The following NPEPPS variants were observed in gnomAD, a reference collection of about 807,000 sequenced individuals.
NPEPPS encodes the protein aminopeptidase puromycin sensitive.
In NPEPPS, 14 loss-of-function variants were observed where a neutral mutation model predicts 115.5. The observed-to-expected ratio is 0.12, with a 90% CI of 0.08 to 0.19. NPEPPS has a LOEUF of 0.19. Ranked by LOEUF, NPEPPS falls within the 10% of genes least tolerant of loss-of-function variation. The probability of loss-of-function intolerance (pLI) is 1.00; values close to 1 mark genes in which losing one functional copy is unlikely to be tolerated. For missense variants in NPEPPS, 523 were observed against 1,110.8 expected, an observed-to-expected ratio of 0.47 and a Z score of 7.52; for synonymous variants, 285 against 390.6, an observed-to-expected ratio of 0.73 and a Z score of 3.19.
At chr17:47,567,525 C>T (rs117278327) in intron 2 of NPEPPS, among the ~76,000 whole-genome samples, 7,127 of 152,240 alleles carry the variant, frequency 0.047, 225 homozygotes, top group Middle Eastern at 0.16. Flanking sequence ...CCTTTCTCCC[C>T]GCCTCAATAA....
At chr17:47,612,757 G>A (rs181390390) in intron 18 of NPEPPS, among the ~76,000 whole-genome samples, 155 bp downstream of exon 18, 87 of 149,540 alleles carry the variant, frequency 5.8e-4, no homozygotes, top group Non-Finnish European at 1.1e-3. Context: ...TCTGTCCCCC[G>A]AGTTCCAGTG....
chr17:47,595,094 C>T (rs146682446), intron 12 of NPEPPS, among the ~76,000 whole-genome samples: 1,837 of 152,054 alleles, frequency 0.012, 41 homozygotes, highest in African/African-American at 0.043. Context: ...CCATGCCCAG[C>T]TAATTTTTGT....
intron 1 of NPEPPS, among the ~76,000 whole-genome samples, chr17:47,534,301 G>A (rs527298135): frequency 1.3e-5 from 2 of 152,020 alleles, no homozygotes; most frequent in Non-Finnish European, 2.9e-5. Flanking sequence ...CTGTGGTCTC[G>A]ACCTCCTGAC....
chr17:47,556,018 T>C (rs1006148836), intron 2 of NPEPPS, among the ~76,000 whole-genome samples: 7 of 144,952 alleles, frequency 4.8e-5, no homozygotes, highest in African/African-American at 1.8e-4. Context: ...TAGAGTCTTG[T>C]GCTGGCGTGA....
chr17:47,534,810 C>T (rs1908076285), intron 1 of NPEPPS, among the ~76,000 whole-genome samples: 1 of 151,552 alleles, frequency 6.6e-6, no homozygotes, highest in Non-Finnish European at 1.5e-5. Flanking sequence ...CTCAGGTGAT[C>T]CCCTTCCCTT....
intron 2 of NPEPPS, among the ~76,000 whole-genome samples, chr17:47,568,101 C>T (rs1253111521): frequency 1.3e-5 from 2 of 152,108 alleles, no homozygotes; most frequent in African/African-American, 4.8e-5. Flanking sequence ...AGTGGCTGCA[C>T]CATTTACATT....
At chr17:47,599,020 T>C (rs1320604403) in intron 13 of NPEPPS, among the ~76,000 whole-genome samples, 4 of 152,198 alleles carry the variant, frequency 2.6e-5, no homozygotes, top group African/African-American at 9.6e-5. Context: ...AATATATTAA[T>C]GAAATTAAAG....
intron 1 of NPEPPS, among the ~76,000 whole-genome samples, chr17:47,537,225 T>C: frequency 6.6e-6 from 1 of 152,012 alleles, no homozygotes; most frequent in East Asian, 1.9e-4. Flanking sequence ...ATTCAAAATA[T>C]TGGTGATAAG....
intron 1 of NPEPPS, among the ~76,000 whole-genome samples, chr17:47,539,551 G>A (rs1025189562): frequency 6.6e-6 from 1 of 151,960 alleles, no homozygotes; most frequent in African/African-American, 2.4e-5. Flanking sequence ...AAATGTCACA[G>A]ATATCACTAA....
At chr17:47,533,151 A>C (rs992983218) in intron 1 of NPEPPS, among the ~76,000 whole-genome samples, 4 of 152,214 alleles carry the variant, frequency 2.6e-5, no homozygotes, top group African/African-American at 9.6e-5. Flanking sequence ...AAGTATAGTT[A>C]TCTATACTTA....
chr17:47,619,953 C>T (rs920750769), intron 22 of NPEPPS, 169 bp downstream of exon 22: 11 of 572,262 alleles, frequency 1.9e-5, no homozygotes, highest in Non-Finnish European at 3.4e-5. Context: ...CTAAAAATGG[C>T]CAGGCATGGT....
intron 18 of NPEPPS, among the ~76,000 whole-genome samples, chr17:47,613,168 G>T (rs1199453358): frequency 1.3e-5 from 2 of 151,872 alleles, no homozygotes; most frequent in Non-Finnish European, 2.9e-5. Context: ...GTGCTCTGCT[G>T]GTACAACATG....
chr17:47,592,652 A>G (rs772981148), intron 12 of NPEPPS, 107 bp downstream of exon 12: 14 of 1,016,762 alleles, frequency 1.4e-5, no homozygotes, highest in Non-Finnish European at 2.0e-5. Flanking sequence ...GATCCATGTA[A>G]TAAATAAATT....
At chr17:47,532,687 G>T in intron 1 of NPEPPS, among the ~76,000 whole-genome samples, 1 of 136,804 alleles carries the variant, frequency 7.3e-6, no homozygotes. Context: ...AAAAAGGAAA[G>T]AAAGAAGCTA....
intron 1 of NPEPPS, among the ~76,000 whole-genome samples, chr17:47,537,124 A>G (rs922574405): frequency 6.6e-6 from 1 of 151,882 alleles, no homozygotes; most frequent in Non-Finnish European, 1.5e-5. Flanking sequence ...CAGGAGTTTG[A>G]TACCAGTGTG....
intron 1 of NPEPPS, among the ~76,000 whole-genome samples, chr17:47,535,378 C>T (rs1429166289): frequency 6.0e-5 from 9 of 150,744 alleles, no homozygotes; most frequent in African/African-American, 1.2e-4. Flanking sequence ...AGTGAAACCC[C>T]GCCTCTACTA....
intron 22 of NPEPPS, 23 bp from the exon 23 acceptor site, chr17:47,621,745 C>G: frequency 6.3e-7 from 1 of 1,584,992 alleles, no homozygotes; most frequent in African/African-American, 1.3e-5. Flanking sequence ...AATGATCCTG[C>G]ATTCTGGGTT....
At chr17:47,539,079 A>G (rs1353777737) in intron 1 of NPEPPS, among the ~76,000 whole-genome samples, 2 of 134,306 alleles carry the variant, frequency 1.5e-5, no homozygotes, top group Admixed American at 7.3e-5. Context: ...TGTATCACCT[A>G]TTTTGGCTTT....
In NPEPPS at chr17:47,622,109, CAATTCAGCAA is replaced by C; in HGVS notation, c.*192_*201del. ...AATTCTATTGAAAAAGGAAAATCAGCAATTCAGCAAAAAATAAATAAAAAATAAAAATGTA... is the reference window on the plus strand; with the variant it reads ...AATTCTATTGAAAAAGGAAAATCAGCAAAATAAATAAAAAATAAAAATGTA... On this transcript the variant is annotated 3_prime_UTR_variant, in exon 23 of 23. Coordinates refer to ENST00000322157, the MANE Select transcript of NPEPPS (RefSeq NM_006310.4). 1 of 1,274,284 alleles carries C rather than the reference CAATTCAGCAA, an allele frequency of 7.8e-7. No individual in the cohort carries two copies. Among genetic ancestry groups the C allele is most frequent in the Non-Finnish European group, 9.9e-7 (1 of 1,008,144 alleles). 78.9% of individuals were successfully genotyped at this position (1,274,284 alleles called of 1,614,324 possible).
Sources: gnomAD v4.1 joint callset for allele counts (sites outside exome capture counted in the v4.1 genomes callset) on GRCh38, gnomAD v4.1.1 for gene constraint, MANE v1.5 for transcripts, NCBI Gene and HGNC (gene_info 2026-07-23, HGNC 2026-07-21) for gene names.